Variants in VDAC3 observed in about 807,000 individuals in gnomAD.
VDAC3 encodes the protein non-selective voltage-gated ion channel VDAC3.
In VDAC3, 7 loss-of-function variants were observed where a neutral mutation model predicts 33.9. The ratio of observed to expected loss-of-function variants is 0.21; its 90% CI spans 0.12 to 0.39. The LOEUF is 0.39. Ranked by LOEUF, VDAC3 falls within the 10% of genes least tolerant of loss-of-function variation. The pLI is 1.00. For missense variants in VDAC3, 261 were observed against 334.5 expected, an observed-to-expected ratio of 0.78 and a Z score of 1.71; for synonymous variants, 100 against 122.4, an observed-to-expected ratio of 0.82 and a Z score of 1.21.
intron 4 of VDAC3, among the ~76,000 whole-genome samples, chr8:42,396,319 T>C (rs2130886696): frequency 6.6e-6 from 1 of 152,330 alleles, no homozygotes; most frequent in South Asian, 2.1e-4. Flanking sequence ...TTAATTTACC[T>C]TACTCTGATT....
Position 42,405,513 on chromosome 8 carries a change from AC to A in VDAC3, c.*54del, listed in dbSNP as rs779213691. 6.8e-6 allele frequency: 10 copies of A among 1,481,222 alleles called. No individual in the cohort carries two copies. In the African/African-American group the frequency reaches 1.4e-4, roughly 21 times the overall value. 91.8% of individuals were successfully genotyped at this position (1,481,222 alleles called of 1,614,324 possible). ...TGTCCCTGGAAGTGAAGAGAAATGA[AC>A]CCACTATGTTTTGGCCTTAAAATTC... On this transcript the variant is annotated 3_prime_UTR_variant, in exon 10 of 10. Transcript: ENST00000022615.
At chr8:42,400,641 A>C (rs902252914) in intron 6 of VDAC3, among the ~76,000 whole-genome samples, 1 of 148,928 alleles carries the variant, frequency 6.7e-6, no homozygotes, top group Non-Finnish European at 1.5e-5. Context: ...TTTGCCACAC[A>C]CTTCAGTTAT....
At chr8:42,392,281 G>A (rs1824882926) in intron 1 of VDAC3, among the ~76,000 whole-genome samples, 1 of 152,198 alleles carries the variant, frequency 6.6e-6, no homozygotes, top group Admixed American at 6.5e-5. Flanking sequence ...CCCTCCTTAC[G>A]GCCGAGGGAG....
At chr8:42,403,986 C>G (rs1252447595) in intron 8 of VDAC3, among the ~76,000 whole-genome samples, 2 of 151,976 alleles carry the variant, frequency 1.3e-5, no homozygotes, top group African/African-American at 4.8e-5. Flanking sequence ...ATCACTTTGG[C>G]CTCAGAATTT....
At chr8:42,399,560 TAAAGAAC>T in intron 5 of VDAC3, 84 bp from the exon 6 acceptor site, 1 of 1,240,946 alleles carries the variant, frequency 8.1e-7, no homozygotes, top group Non-Finnish European at 1.1e-6. Flanking sequence ...TTTTTTTTGT[TAAAGAAC>T]TCAGGAAACT....
Position 42,394,257 on chromosome 8 carries a change from G to A in VDAC3, c.46G>A (p.Asp16Asn). The A allele has an allele frequency of 6.2e-7, 1 of 1,613,610 alleles. No individual in the cohort carries two copies. Among genetic ancestry groups the A allele is most frequent in the Non-Finnish European group, 8.5e-7 (1 of 1,179,684 alleles). The change falls in exon 3 of 10, where the codon GAT (aspartate) becomes AAT (asparagine). Residue 16 changes from aspartate (D) to asparagine (N), a missense_variant. Physicochemically the swap from Asp to Asn is conservative, Grantham distance 23. Transcript: ENST00000022615. ...CTGTGACCTAGGAAAGGCTGCTAAG[G>A]ATGTCTTCAACAAAGGATATGGTAA... ...TYCDLGKAAK[D>N]VFNKGYGFGM... is the part of the protein sequence containing the mutation.
chr8:42,394,111 CTG>C (rs1802256558), intron 2 of VDAC3, 97 bp from the exon 3 acceptor site: 3 of 1,051,470 alleles, frequency 2.9e-6, no homozygotes, highest in Non-Finnish European at 3.0e-6. Context: ...GAAGAGAAAA[CTG>C]TATACCCCTT....
Position 42,400,673 on chromosome 8 carries a change from C to CTTTTTT in VDAC3, c.323+989_323+994dup, listed in dbSNP as rs1188886241. Among the ~76,000 whole-genome samples the CTTTTTT allele has an allele frequency of 9.9e-3, 717 of 72,298 alleles. 4 individuals are homozygous for CTTTTTT. The highest frequency in any genetic ancestry group is 0.014 in the Non-Finnish European group (560 of 40,208). The allele number at this position is 72,298 out of a possible 152,430, so 47.4% of individuals were successfully genotyped here. A position where few individuals can be genotyped will look rare whatever the true frequency, so the allele number is the denominator to read the frequency against. ...TTATCTTTAGGACAAATATTCTTTTCTTTTTTTTTTTTTTTTTTTTTTTTG... is the reference window on the plus strand; with the variant it reads ...TTATCTTTAGGACAAATATTCTTTTCTTTTTTTTTTTTTTTTTTTTTTTTTTTTTTG... On this transcript the variant is annotated intron_variant, in intron 6 of 9. Transcript: ENST00000022615.
chr8:42,394,309 G>A (rs777081147), intron 3 of VDAC3, 31 bp downstream of exon 3: 1 of 1,597,334 alleles, frequency 6.3e-7, no homozygotes, highest in Non-Finnish European at 8.6e-7. Flanking sequence ...TTCCAGTTTG[G>A]GGTAAAGGTT....
In VDAC3 at chr8:42,398,739, A is replaced by C; in HGVS notation, c.145A>C (p.Thr49Pro). ...VEFSTSGHAY[T>P]DTGKASGNLE... ...ATTTTCTACTTCTGGTCATGCTTAC[A>C]CTGATACAGGGAAAGCATCAGGCAA... Residue 49 changes from threonine to proline, a missense_variant, in exon 5 of 10, where the codon ACT (threonine) becomes CCT (proline). By Grantham distance (38) the Thr-to-Pro change is conservative. Coordinates refer to ENST00000022615, the MANE Select transcript of VDAC3 (RefSeq NM_005662.7). The C allele has an allele frequency of 1.2e-6, 2 of 1,613,898 alleles. No individual in the cohort carries two copies. The highest frequency in any genetic ancestry group is 1.7e-6 in the Non-Finnish European group (2 of 1,179,994).
intron 4 of VDAC3, chr8:42,396,805 A>G: frequency 1.6e-6 from 1 of 624,044 alleles, no homozygotes; most frequent in Non-Finnish European, 2.8e-6. Context: ...TTTTTCTCAT[A>G]TGCTATCTAC....
Position 42,405,694 on chromosome 8 carries a change from T to A in VDAC3, c.*232T>A. 1 of 469,386 alleles carries A rather than the reference T, an allele frequency of 2.1e-6. No homozygotes were observed. The highest frequency in any genetic ancestry group is 3.9e-6 in the Non-Finnish European group (1 of 258,692). The allele number at this position is 469,386 out of a possible 1,614,324, so 29.1% of individuals were successfully genotyped here. A position where few individuals can be genotyped will look rare whatever the true frequency, so the allele number is the denominator to read the frequency against. On this transcript the variant is annotated 3_prime_UTR_variant, in exon 10 of 10. Transcript: ENST00000022615. ...TTTGTGCCACGTTTCAGTTCAGTTC[T>A]GAAGTGTTATTAAATGTGTTCCTCA...
Position 42,405,663 on chromosome 8 carries a change from G to A in VDAC3, c.*201G>A. On this transcript the variant is annotated 3_prime_UTR_variant, in exon 10 of 10. Transcript: ENST00000022615. ...ATGCTTGAAGGCATGCCTGGAAGTT[G>A]TCATGTTTGTGCCACGTTTCAGTTC... The A allele has an allele frequency of 3.8e-6, 2 of 523,266 alleles. No homozygotes were observed. The highest frequency in any genetic ancestry group is 3.3e-5 in the East Asian group (1 of 30,100). 32.4% of individuals were successfully genotyped at this position (523,266 alleles called of 1,614,324 possible).
intron 4 of VDAC3, 67 bp downstream of exon 4, chr8:42,395,200 G>A (rs915594934): frequency 1.3e-6 from 2 of 1,597,140 alleles, no homozygotes; most frequent in Non-Finnish European, 1.7e-6. Flanking sequence ...TTAAAATCAT[G>A]ACAGTCTAGT....
intron 5 of VDAC3, among the ~76,000 whole-genome samples, chr8:42,399,099 GCTT>G (rs1256197760): frequency 6.6e-6 from 1 of 151,984 alleles, no homozygotes; most frequent in African/African-American, 2.4e-5. Context: ...ACACAGCTAA[GCTT>G]CTCCTGGGTA....
At chr8:42,399,760 CT>C in intron 6 of VDAC3, 57 bp downstream of exon 6, 2 of 1,530,718 alleles carry the variant, frequency 1.3e-6, no homozygotes, top group Non-Finnish European at 9.0e-7. Context: ...GGGTAGAGAG[CT>C]TTAGAATAAG....
chr8:42,404,594 T>C (rs915631216), intron 8 of VDAC3, among the ~76,000 whole-genome samples: 3 of 151,752 alleles, frequency 2.0e-5, no homozygotes, highest in Non-Finnish European at 4.4e-5. Flanking sequence ...TGGGGGCGCA[T>C]GCCTGTAATC....
At chr8:42,402,137 G>A (rs953888426) in intron 7 of VDAC3, 122 bp downstream of exon 7, 15 of 1,082,434 alleles carry the variant, frequency 1.4e-5, no homozygotes, top group African/African-American at 1.1e-4. Flanking sequence ...CATCCTTGCG[G>A]TGCTATCCTC....
Position 42,396,752 on chromosome 8 carries a change from A to G in VDAC3, c.117+1619A>G, listed in dbSNP as rs1308213847. On this transcript the variant is annotated intron_variant, in intron 4 of 9. Transcript: ENST00000022615. ...TGGTTTCTGGTATTGATTTAGGATAAATTTCAATCATTGTTCCAAATTTCT... is the reference window on the plus strand; with the variant it reads ...TGGTTTCTGGTATTGATTTAGGATAGATTTCAATCATTGTTCCAAATTTCT... The G allele has an allele frequency of 1.2e-5, 8 of 659,936 alleles. No homozygotes were observed. The East Asian group carries it at 2.2e-4, about 18-fold the overall frequency. The allele number at this position is 659,936 out of a possible 1,614,324, so 40.9% of individuals were successfully genotyped here.
Sources: gnomAD v4.1 joint callset for allele counts (sites outside exome capture counted in the v4.1 genomes callset) on GRCh38, gnomAD v4.1.1 for gene constraint, MANE v1.5 for transcripts, NCBI Gene and HGNC (gene_info 2026-07-23, HGNC 2026-07-21) for gene names.